Variants in ZNF587 observed in about 807,000 individuals in gnomAD.
The protein encoded by ZNF587 is zinc finger protein 587, also known as zinc finger protein zfp6.
Under a neutral mutation model 7.5 loss-of-function variants are expected in ZNF587, and 8 were observed. The ratio of observed to expected loss-of-function variants is 1.06; its 90% CI spans 0.62 to 1.92. The LOEUF (loss-of-function observed/expected upper bound fraction) is 1.92. Ranked by LOEUF, ZNF587 falls within the 40% of genes most tolerant of loss-of-function variation. ZNF587 has a pLI of 0.00. For missense variants in ZNF587, 468 were observed against 692.8 expected (o/e 0.68, Z 3.64); for synonymous variants, 145 against 237.8 (o/e 0.61, Z 3.59).
chr19:57,864,078 C>T lies in ZNF587; in HGVS notation c.*3938C>T, dbSNP rs565620652. 2 of 147,036 alleles carry T rather than the reference C, an allele frequency of 1.4e-5. No individual in the cohort carries two copies. Among genetic ancestry groups the T allele is most frequent in the East Asian group, 2.0e-4 (1 of 4,992 alleles). 9.1% of individuals were successfully genotyped at this position (147,036 alleles called of 1,614,324 possible). ...AAAAACTCAATCCATAAATGTTATACTTTATAACTTTATAACAGCATGTTA... is the reference window on the plus strand; with the variant it reads ...AAAAACTCAATCCATAAATGTTATATTTTATAACTTTATAACAGCATGTTA... On this transcript the variant is annotated 3_prime_UTR_variant, in exon 3 of 3. Transcript: ENST00000339656.
chr19:57,856,732 C>G (rs1232290041), intron 2 of ZNF587, among the ~76,000 whole-genome samples: 4 of 152,022 alleles, frequency 2.6e-5, no homozygotes, highest in Non-Finnish European at 4.4e-5. Context: ...TTAAGCAGCT[C>G]CAACACCTGC....
At position 57,860,399 on chromosome 19, in the gene ZNF587, G is replaced by A. The variant is rs1307077022; in HGVS notation, c.*259G>A. ...TCCTCCTACCTCAGCCTCCTGAGTAGCTGGGATTATGAGTACACACCACCA... is the reference window on the plus strand; with the variant it reads ...TCCTCCTACCTCAGCCTCCTGAGTAACTGGGATTATGAGTACACACCACCA... On this transcript the variant is annotated 3_prime_UTR_variant, in exon 3 of 3. Coordinates refer to ENST00000339656, the MANE Select transcript of ZNF587 (RefSeq NM_032828.4). 1.7e-6 allele frequency: 1 copy of A among 584,416 alleles called. No individual in the cohort carries two copies. The highest frequency in any genetic ancestry group is 1.9e-5 in the African/African-American group (1 of 53,416). The allele number at this position is 584,416 out of a possible 1,614,324, so 36.2% of individuals were successfully genotyped here. A position where few individuals can be genotyped will look rare whatever the true frequency, so the allele number is the denominator to read the frequency against.
At position 57,849,988 on chromosome 19, in the gene ZNF587, G is replaced by A; in HGVS notation, c.-51G>A. On this transcript the variant is annotated 5_prime_UTR_variant, in exon 1 of 3. Transcript: ENST00000339656. ...CTCGGTGCCCAGAGGCGGCTCTGCA[G>A]CCCCGTGACGGCGACCACTGCTCCC... The A allele has an allele frequency of 6.2e-7, 1 of 1,613,924 alleles. No individual in the cohort carries two copies. The highest frequency in any genetic ancestry group is 8.5e-7 in the Non-Finnish European group (1 of 1,180,012).
intron 1 of ZNF587, chr19:57,850,750 T>G: frequency 1.0e-5 from 4 of 395,090 alleles, no homozygotes; most frequent in Non-Finnish European, 1.8e-5. Context: ...TCCACCCAGT[T>G]TATTGGTTTA....
chr19:57,858,632 C>G lies in ZNF587; in HGVS notation c.220C>G (p.Gln74Glu), dbSNP rs536111380. 1.4e-5 allele frequency: 22 copies of G among 1,541,920 alleles called. No individual in the cohort carries two copies. The South Asian group carries it at 2.9e-4, about 20-fold the overall frequency. ...EAPCKQRISV[Q>E]RESQSRTPRA... Reference sequence around the variant, plus strand: ...ACCTTGTAAGCAGAGAATTTCTGTACAAAGAGAGTCTCAGAGCAGGACTCC... The same window carrying G: ...ACCTTGTAAGCAGAGAATTTCTGTAGAAAGAGAGTCTCAGAGCAGGACTCC... The change falls in exon 3 of 3, where the codon CAA (glutamine) becomes GAA (glutamate). Residue 74 changes from glutamine (Q) to glutamate (E), a missense_variant. Physicochemically the swap from Gln to Glu is conservative, Grantham distance 29 (BLOSUM62 2). This residue lies in a region of ZNF587 where 92 missense variants were observed against 89.7 expected (regional missense o/e 1.03). Coordinates refer to ENST00000339656, the MANE Select transcript of ZNF587 (RefSeq NM_032828.4).
intron 2 of ZNF587, among the ~76,000 whole-genome samples, 160 bp downstream of exon 2, chr19:57,856,393 T>C (rs530811217): frequency 1.3e-5 from 2 of 150,020 alleles, no homozygotes; most frequent in African/African-American, 5.0e-5. Flanking sequence ...GTGTGTGTAT[T>C]GCCTTTTCCT....
chr19:57,862,158 A>G lies in ZNF587; in HGVS notation c.*2018A>G, dbSNP rs751400492. 6.6e-6 allele frequency: 1 copy of G among 152,194 alleles called. No individual in the cohort carries two copies. The highest frequency in any genetic ancestry group is 1.5e-5 in the Non-Finnish European group (1 of 68,032). The allele number at this position is 152,194 out of a possible 1,614,324, so 9.4% of individuals were successfully genotyped here. A position where few individuals can be genotyped will look rare whatever the true frequency, so the allele number is the denominator to read the frequency against. On this transcript the variant is annotated 3_prime_UTR_variant, in exon 3 of 3. Transcript: ENST00000339656. ...CATAAGCGTCCCAAAGTGACAATAC[A>G]TATAGATTGCCAGGCAGTGAAACAG...
chr19:57,856,897 A>G (rs2071363181), intron 2 of ZNF587: 1 of 151,922 alleles, frequency 6.6e-6, no homozygotes, highest in Non-Finnish European at 1.5e-5. Flanking sequence ...CTATCTGACA[A>G]TGCTTTGTGC....
rs1200190740 is a variant in ZNF587 at position 57,862,791 on chromosome 19, C to T, written c.*2651C>T. 2 of 155,002 alleles carry T rather than the reference C, an allele frequency of 1.3e-5. No homozygotes were observed. Among genetic ancestry groups the T allele is most frequent in the Non-Finnish European group, 2.9e-5 (2 of 68,226 alleles). The allele number at this position is 155,002 out of a possible 1,614,324, so 9.6% of individuals were successfully genotyped here. A position where few individuals can be genotyped will look rare whatever the true frequency, so the allele number is the denominator to read the frequency against. ...GGGACCCGGAGGCAGGGTGCCACCT[C>T]CTCAACTTCCCTGAGGGCTGCCTAG... On this transcript the variant is annotated 3_prime_UTR_variant, in exon 3 of 3. Coordinates refer to ENST00000339656, the MANE Select transcript of ZNF587 (RefSeq NM_032828.4).
At chr19:57,854,263 G>A (rs1027937218) in intron 1 of ZNF587, among the ~76,000 whole-genome samples, 1 of 152,010 alleles carries the variant, frequency 6.6e-6, no homozygotes, top group South Asian at 2.1e-4. Flanking sequence ...GTCTCAGCTG[G>A]TGCAGCACAA....
chr19:57,864,567 T>C lies in ZNF587; in HGVS notation c.*4427T>C, dbSNP rs1201930944. ...ACAGTCTCAGCCCCTAAATGTCACC[T>C]TGTATTACAGCATGTTATATAAGCA... On this transcript the variant is annotated 3_prime_UTR_variant, in exon 3 of 3. Coordinates refer to ENST00000339656, the MANE Select transcript of ZNF587 (RefSeq NM_032828.4). The C allele has an allele frequency of 1.3e-5, 2 of 152,128 alleles. No homozygotes were observed. The highest frequency in any genetic ancestry group is 1.3e-4 in the Admixed American group (2 of 15,258). 9.4% of individuals were successfully genotyped at this position (152,128 alleles called of 1,614,324 possible).
Position 57,860,195 on chromosome 19 carries a change from G to A in ZNF587, c.*55G>A, listed in dbSNP as rs752489240. ...AAGCATCCCGTCTCGTTAAACACAG[G>A]AGAGTTCATACTGGAGAAAGGCCTT... On this transcript the variant is annotated 3_prime_UTR_variant, in exon 3 of 3. Coordinates refer to ENST00000339656, the MANE Select transcript of ZNF587 (RefSeq NM_032828.4). 2 of 1,613,742 alleles carry A rather than the reference G, an allele frequency of 1.2e-6. No homozygotes were observed. Among genetic ancestry groups the A allele is most frequent in the South Asian group, 2.2e-5 (2 of 91,028 alleles).
chr19:57,855,311 C>T (rs2071337818), intron 1 of ZNF587, among the ~76,000 whole-genome samples: 1 of 152,112 alleles, frequency 6.6e-6, no homozygotes. Context: ...TGTTCCTGCA[C>T]TCCAGCCTGG....
rs544396275 is a variant in ZNF587, at chr19:57,860,326, T to A, written c.*186T>A. On this transcript the variant is annotated 3_prime_UTR_variant, in exon 3 of 3. Transcript: ENST00000339656. ...TTCTGTCACCCAGGCTGGAGTGCAG[T>A]GGTGCAGTCTTGGCTCGCTGCAACT... 17 of 1,178,038 alleles carry A rather than the reference T, an allele frequency of 1.4e-5. No individual in the cohort carries two copies. The South Asian group carries it at 2.3e-4, about 16-fold the overall frequency. 73.0% of individuals were successfully genotyped at this position (1,178,038 alleles called of 1,614,324 possible).
chr19:57,859,986 G>GA lies in ZNF587; in HGVS notation c.1574_1575insA (p.Cys525Ter), dbSNP rs745466203. 6.2e-7 allele frequency: 1 copy of GA among 1,614,132 alleles called. No individual in the cohort carries two copies. The highest frequency in any genetic ancestry group is 1.7e-5 in the Admixed American group (1 of 60,020). The change falls in exon 3 of 3, where the codon TGT (cysteine) becomes TGAT (stop). Residue 525 changes from cysteine to a stop codon, truncating the protein, a stop_gained and frameshift_variant. Coordinates refer to ENST00000339656, the MANE Select transcript of ZNF587 (RefSeq NM_032828.4). LOFTEE classifies it low-confidence loss of function (END_TRUNC). ...SGQKPYKCSECGKSFSECSSL... is the reference protein window; with the variant it reads ...SGQKPYKCSE ...CAAAAGCCTTATAAGTGCAGTGAATGTGGAAAATCCTTTTCTGAATGTTCC... is the reference window on the plus strand; with the variant it reads ...CAAAAGCCTTATAAGTGCAGTGAATGATGGAAAATCCTTTTCTGAATGTTCC...
In ZNF587 at chr19:57,859,773, A is replaced by C. The variant is rs369144534; in HGVS notation, c.1361A>C (p.His454Pro). 101 of 1,613,890 alleles carry C rather than the reference A, an allele frequency of 6.3e-5. No individual in the cohort carries two copies. Among genetic ancestry groups the C allele is most frequent in the Non-Finnish European group, 7.3e-5 (86 of 1,179,942 alleles). ...AACAGGAAGTATCATCTTCTGGTTCATGAGAGAGTTCACACTGGAGAAAGG... is the reference window on the plus strand; with the variant it reads ...AACAGGAAGTATCATCTTCTGGTTCCTGAGAGAGTTCACACTGGAGAAAGG... ...LFNRKYHLLV[H>P]ERVHTGERPY... Residue 454 changes from histidine to proline, a missense_variant, in exon 3 of 3, where the codon CAT becomes CCT. Around this residue, in one of 5 missense-constraint regions of ZNF587, gnomAD observed 310 missense variants for 325.6 expected, o/e 0.95. Coordinates refer to ENST00000339656, the MANE Select transcript of ZNF587 (RefSeq NM_032828.4).
chr19:57,857,822 T>TAC (rs1225760851), intron 2 of ZNF587, among the ~76,000 whole-genome samples: 1 of 151,734 alleles, frequency 6.6e-6, no homozygotes, highest in Non-Finnish European at 1.5e-5. Flanking sequence ...TTTTAGTAGA[T>TAC]ACAGGGTTTC....
chr19:57,849,925 C>G lies in ZNF587; in HGVS notation c.-114C>G, dbSNP rs933684336. On this transcript the variant is annotated 5_prime_UTR_variant, in exon 1 of 3. Coordinates refer to ENST00000339656, the MANE Select transcript of ZNF587 (RefSeq NM_032828.4). Reference sequence around the variant, plus strand: ...TGTGGCCCCTGAGTGCTGGGTGGGACCGCGGTGACTGAACCTAGAAGGTGG... The same window carrying G: ...TGTGGCCCCTGAGTGCTGGGTGGGAGCGCGGTGACTGAACCTAGAAGGTGG... 6.3e-7 allele frequency: 1 copy of G among 1,596,406 alleles called. No individual in the cohort carries two copies. Among genetic ancestry groups the G allele is most frequent in the Non-Finnish European group, 8.5e-7 (1 of 1,171,012 alleles).
chr19:57,853,068 G>A (rs1012159519), intron 1 of ZNF587, among the ~76,000 whole-genome samples: 3 of 151,894 alleles, frequency 2.0e-5, no homozygotes, highest in African/African-American at 7.3e-5. Context: ...GGCCAGGCTA[G>A]TCTCAAACTC....
Sources: gnomAD v4.1 joint callset for allele counts (sites outside exome capture counted in the v4.1 genomes callset) on GRCh38, gnomAD v4.1.1 for gene constraint, gnomAD v4.1.1 regional missense constraint, MANE v1.5 for transcripts, NCBI Gene and HGNC (gene_info 2026-07-23, HGNC 2026-07-21) for gene names.